The following MYBL1 variants were observed in gnomAD, a reference collection of about 807,000 sequenced individuals.
MYBL1 encodes the protein MYB proto-oncogene like 1.
A neutral mutation model predicts 96.3 loss-of-function variants in MYBL1; 17 were observed. The ratio of observed to expected loss-of-function variants is 0.18; its 90% CI spans 0.12 to 0.26. The LOEUF is 0.26. Among genes scored for constraint, MYBL1 ranks in the 10% least tolerant of loss-of-function variants. The pLI is 1.00. For missense variants in MYBL1, 701 were observed against 882.9 expected (o/e 0.79, Z 2.61); for synonymous variants, 282 against 292.7 (o/e 0.96, Z 0.37).
At chr8:66,578,554 T>C (rs1323915172) in intron 9 of MYBL1, among the ~76,000 whole-genome samples, 2 of 150,826 alleles carry the variant, frequency 1.3e-5, no homozygotes, top group Non-Finnish European at 3.0e-5. Context: ...CCAGTTAGAA[T>C]GGCAATCATT....
At chr8:66,601,272 G>A (rs1765819351) in intron 3 of MYBL1, among the ~76,000 whole-genome samples, 1 of 151,112 alleles carries the variant, frequency 6.6e-6, no homozygotes, top group African/African-American at 2.4e-5. Context: ...TAGTAGTATG[G>A]TAAACAATAG....
At chr8:66,590,349 T>C (rs1398577798) in intron 8 of MYBL1, among the ~76,000 whole-genome samples, 1 of 152,144 alleles carries the variant, frequency 6.6e-6, no homozygotes, top group Non-Finnish European at 1.5e-5. Context: ...CAAGGAATGG[T>C]GGCTCATGTC....
intron 3 of MYBL1, among the ~76,000 whole-genome samples, chr8:66,600,106 A>T (rs1217471237): frequency 6.6e-6 from 1 of 152,236 alleles, no homozygotes; most frequent in East Asian, 1.9e-4. Context: ...AAGAAATCCT[A>T]CGCAGTATCT....
At chr8:66,588,761 C>A (rs1303382322) in intron 8 of MYBL1, among the ~76,000 whole-genome samples, 1 of 152,164 alleles carries the variant, frequency 6.6e-6, no homozygotes, top group Non-Finnish European at 1.5e-5. Context: ...GTGGCTCATG[C>A]CTGTAATCCC....
intron 4 of MYBL1, 77 bp downstream of exon 4, chr8:66,598,973 A>G: frequency 1.1e-6 from 1 of 898,002 alleles, no homozygotes; most frequent in Non-Finnish European, 1.6e-6. Flanking sequence ...CATGTACTTC[A>G]TATGTCAAAA....
At chr8:66,605,090 T>C (rs1810260107) in intron 1 of MYBL1, among the ~76,000 whole-genome samples, 1 of 152,210 alleles carries the variant, frequency 6.6e-6, no homozygotes, top group African/African-American at 2.4e-5. Context: ...TAGTCAATAT[T>C]CCTTAGCTTA....
At chr8:66,612,676 G>A (rs1299108028) in intron 1 of MYBL1, 143 bp downstream of exon 1, 7 of 1,035,956 alleles carry the variant, frequency 6.8e-6, no homozygotes, top group African/African-American at 3.3e-5. Context: ...CGGTCATCGA[G>A]GCCAAGCGGC....
rs753584140 is a variant in MYBL1 at position 66,566,707 on chromosome 8, T to C, written c.1927A>G (p.Thr643Ala). Residue 643 changes from threonine (T) to alanine (A), a missense_variant, in exon 14 of 16, where the codon ACT becomes GCT. By Grantham distance (58) the Thr-to-Ala change is moderately conservative. Around this residue, in one of 5 missense-constraint regions of MYBL1, gnomAD observed 137 missense variants for 137.5 expected, o/e 1.00. Transcript: ENST00000522677. ...EKEESGTQLL[T>A]EDISDMQSEN... is the part of the protein sequence containing the mutation. ...ACCTGCATGTCTGAAATGTCTTCAG[T>C]CAACAGTTGAGTGCCTGATTCTTCT... The C allele has an allele frequency of 2.1e-5, 33 of 1,602,118 alleles. No individual in the cohort carries two copies. Among genetic ancestry groups the C allele is most frequent in the African/African-American group, 2.7e-5 (2 of 74,686 alleles).
intron 8 of MYBL1, among the ~76,000 whole-genome samples, chr8:66,589,885 C>T (rs1809569379): frequency 6.6e-6 from 1 of 152,100 alleles, no homozygotes; most frequent in South Asian, 2.1e-4. Context: ...GAAACTGCAA[C>T]ATAGGGAAAT....
intron 6 of MYBL1, 98 bp downstream of exon 6, chr8:66,595,485 T>G: frequency 1.7e-6 from 1 of 590,444 alleles, no homozygotes; most frequent in South Asian, 6.5e-5. Context: ...ATTTACCCCT[T>G]AATACGCATT....
At chr8:66,567,648 T>C (rs1296478334) in intron 12 of MYBL1, among the ~76,000 whole-genome samples, 1 of 152,116 alleles carries the variant, frequency 6.6e-6, no homozygotes, top group Non-Finnish European at 1.5e-5. Context: ...TTCTGTCAAA[T>C]AGGTAAGCAC....
At chr8:66,598,546 C>G (rs1313770419) in intron 4 of MYBL1, among the ~76,000 whole-genome samples, 1 of 152,180 alleles carries the variant, frequency 6.6e-6, no homozygotes, top group African/African-American at 2.4e-5. Flanking sequence ...CTATTCATCT[C>G]CAACTTCATA....
At chr8:66,600,998 C>T (rs1179091828) in intron 3 of MYBL1, among the ~76,000 whole-genome samples, 4 of 151,190 alleles carry the variant, frequency 2.6e-5, no homozygotes, top group Admixed American at 2.6e-4. Flanking sequence ...TGGAGAAACC[C>T]CGTCTCTACT....
intron 6 of MYBL1, among the ~76,000 whole-genome samples, chr8:66,594,189 C>A (rs1440956048): frequency 2.6e-5 from 4 of 151,754 alleles, no homozygotes; most frequent in Admixed American, 1.3e-4. Flanking sequence ...AAATTGTCTG[C>A]TTTCCGTAAT....
chr8:66,568,888 G>A (rs779658699), intron 12 of MYBL1, among the ~76,000 whole-genome samples: 15 of 152,052 alleles, frequency 9.9e-5, no homozygotes, highest in Non-Finnish European at 1.9e-4. Flanking sequence ...AGCCAGGGTG[G>A]TGGTGGGCAC....
intron 9 of MYBL1, among the ~76,000 whole-genome samples, chr8:66,579,518 G>A (rs1185477226): frequency 6.6e-6 from 1 of 151,958 alleles, no homozygotes; most frequent in Non-Finnish European, 1.5e-5. Flanking sequence ...TTAGCTGGGT[G>A]TGGTGGCAGG....
At chr8:66,574,214 C>T (rs188488577) in intron 10 of MYBL1, among the ~76,000 whole-genome samples, 7 of 152,276 alleles carry the variant, frequency 4.6e-5, no homozygotes, top group Admixed American at 3.9e-4. Context: ...GCTCTGAATA[C>T]TTGAATTTAT....
At chr8:66,600,988 T>C (rs1347905185) in intron 3 of MYBL1, among the ~76,000 whole-genome samples, 7 of 151,142 alleles carry the variant, frequency 4.6e-5, no homozygotes, top group African/African-American at 1.7e-4. Flanking sequence ...CTGACCAACA[T>C]GGAGAAACCC....
In MYBL1 at chr8:66,564,341, C is replaced by A; in HGVS notation, c.*356G>T. 1 of 156,992 alleles carries A rather than the reference C, an allele frequency of 6.4e-6. No homozygotes were observed. The highest frequency in any genetic ancestry group is 1.4e-5 in the Non-Finnish European group (1 of 71,010). The allele number at this position is 156,992 out of a possible 1,614,324, so 9.7% of individuals were successfully genotyped here. A position where few individuals can be genotyped will look rare whatever the true frequency, so the allele number is the denominator to read the frequency against. The stretch of plus-strand genomic sequence containing the variant: ...AGACTAATTTCAGAAATCATATATA[C>A]TCATACACCTATCTATAACAAAACT... On this transcript the variant is annotated 3_prime_UTR_variant, in exon 16 of 16. Coordinates refer to ENST00000522677, the MANE Select transcript of MYBL1 (RefSeq NM_001080416.4).
Sources: allele counts gnomAD v4.1 joint callset (sites outside exome capture counted in the v4.1 genomes callset), GRCh38; gene constraint gnomAD v4.1.1; regional missense constraint gnomAD v4.1.1; transcripts MANE v1.5; gene names NCBI Gene and HGNC (gene_info 2026-07-23, HGNC 2026-07-21).